The following PFAS variants were observed in gnomAD, a reference collection of about 807,000 sequenced individuals.
PFAS encodes phosphoribosylformylglycinamidine synthase.
In PFAS, 97 loss-of-function variants were observed where a neutral mutation model predicts 140.6. The observed-to-expected ratio is 0.69, with a 90% CI of 0.59 to 0.82. The LOEUF is 0.82. Among genes scored for constraint, PFAS ranks in the 40% least tolerant of loss-of-function variants. PFAS has a pLI of 0.00. For missense variants in PFAS, 1,656 were observed against 1,780.2 expected, an observed-to-expected ratio of 0.93 and a Z score of 1.26; for synonymous variants, 679 against 718.8, an observed-to-expected ratio of 0.94 and a Z score of 0.88.
chr17:8,265,823 G>A (rs565913996), intron 20 of PFAS, 39 bp from the exon 21 acceptor site: 1 of 1,550,370 alleles, frequency 6.5e-7, no homozygotes, highest in Non-Finnish European at 8.8e-7. Context: ...GGGTCCTCCT[G>A]AGCTGTTCCC....
chr17:8,250,045 G>A lies in PFAS; in HGVS notation c.-80+706G>A, dbSNP rs1055136354. On this transcript the variant is annotated intron_variant, in intron 1 of 27. Transcript: ENST00000314666. Reference sequence around the variant, plus strand: ...CTAGTGAAGCCTTTTCCACGAAGGCGAATCACCAGAAATCTAAATAACAAG... The same window carrying A: ...CTAGTGAAGCCTTTTCCACGAAGGCAAATCACCAGAAATCTAAATAACAAG... Among the ~76,000 whole-genome samples the A allele has an allele frequency of 3.3e-5, 5 of 152,172 alleles. No homozygotes were observed. In the East Asian group the frequency reaches 9.6e-4, roughly 29 times the overall value.
intron 11 of PFAS, among the ~76,000 whole-genome samples, chr17:8,261,854 G>T (rs537088923): frequency 6.6e-6 from 1 of 151,508 alleles, no homozygotes; most frequent in African/African-American, 2.4e-5. Flanking sequence ...CAAGCGATCC[G>T]CCCGCCTCAG....
chr17:8,252,072 T>C (rs970924293), intron 1 of PFAS, among the ~76,000 whole-genome samples: 3 of 151,888 alleles, frequency 2.0e-5, no homozygotes, highest in Non-Finnish European at 4.4e-5. Flanking sequence ...GGCGGGCAGA[T>C]CACTTGAGGT....
intron 15 of PFAS, 45 bp from the exon 16 acceptor site, chr17:8,264,167 G>T (rs1383907289): frequency 6.2e-7 from 1 of 1,609,656 alleles, no homozygotes; most frequent in Admixed American, 1.7e-5. Flanking sequence ...CCTTGCTGGT[G>T]TTCATAGTCT....
At chr17:8,261,114 C>G (rs1032052065) in intron 11 of PFAS, among the ~76,000 whole-genome samples, 1 of 152,190 alleles carries the variant, frequency 6.6e-6, no homozygotes, top group Non-Finnish European at 1.5e-5. Flanking sequence ...ACATGCTTGA[C>G]AACACTTGTT....
intron 11 of PFAS, among the ~76,000 whole-genome samples, 191 bp downstream of exon 11, chr17:8,258,390 T>A (rs1024546288): frequency 6.6e-6 from 1 of 152,198 alleles, no homozygotes; most frequent in Admixed American, 6.5e-5. Context: ...TGTGCCCACT[T>A]CATAGACTGT....
chr17:8,248,083 G>A (rs1988934739), upstream of PFAS: 3 of 1,371,438 alleles, frequency 2.2e-6, no homozygotes, highest in South Asian at 1.2e-5. Context: ...CTCGCTTGGG[G>A]GTGGGGATGG....
At chr17:8,264,173 A>G (rs776097029) in intron 15 of PFAS, 39 bp from the exon 16 acceptor site, 1 of 1,610,700 alleles carries the variant, frequency 6.2e-7, no homozygotes, top group Non-Finnish European at 8.5e-7. Context: ...TGGTGTTCAT[A>G]GTCTCATCCC....
chr17:8,266,120 C>T lies in PFAS; in HGVS notation c.2701+103C>T. On this transcript the variant is annotated intron_variant, in intron 21 of 27. Coordinates refer to ENST00000314666, the MANE Select transcript of PFAS (RefSeq NM_012393.3). This position sits in a 1 kb window ranked among gnomAD's most constrained non-coding sequence, Gnocchi z 5.0. ...AAAAGGGACTCCAATGGACGATGTACCCCAGATCCCCTGACATTCTGACAC... is the reference window on the plus strand; with the variant it reads ...AAAAGGGACTCCAATGGACGATGTATCCCAGATCCCCTGACATTCTGACAC... 1 of 1,539,342 alleles carries T rather than the reference C, an allele frequency of 6.5e-7. No homozygotes were observed. The highest frequency in any genetic ancestry group is 8.8e-7 in the Non-Finnish European group (1 of 1,130,576).
chr17:8,251,312 T>C (rs940576920), intron 1 of PFAS, among the ~76,000 whole-genome samples: 1 of 152,064 alleles, frequency 6.6e-6, no homozygotes, highest in Non-Finnish European at 1.5e-5. Flanking sequence ...GACGGGGTCT[T>C]GCTCTGTCAC....
At chr17:8,254,589 G>A (rs1287305255) in intron 3 of PFAS, among the ~76,000 whole-genome samples, 1 of 152,164 alleles carries the variant, frequency 6.6e-6, no homozygotes, top group African/African-American at 2.4e-5. Flanking sequence ...CAGATCACGA[G>A]ATCAGGAGAT....
In PFAS at chr17:8,266,453, T is replaced by A; in HGVS notation, c.2821+100T>A. 1 of 1,548,106 alleles carries A rather than the reference T, an allele frequency of 6.5e-7. No individual in the cohort carries two copies. The highest frequency in any genetic ancestry group is 8.7e-7 in the Non-Finnish European group (1 of 1,146,718). On this transcript the variant is annotated intron_variant, in intron 22 of 27. Coordinates refer to ENST00000314666, the MANE Select transcript of PFAS (RefSeq NM_012393.3). This position sits in a 1 kb window ranked among gnomAD's most constrained non-coding sequence, Gnocchi z 5.0. The stretch of plus-strand genomic sequence containing the variant: ...AGAGTGGAGTGCCCTCCAGTCCCCT[T>A]TCCCTGAGTCTTCCCTGACTAGCTT...
In PFAS at chr17:8,256,252, C is replaced by T. The variant is rs372662450; in HGVS notation, c.681-15C>T. 2 of 1,612,454 alleles carry T rather than the reference C, an allele frequency of 1.2e-6. No homozygotes were observed. Among genetic ancestry groups the T allele is most frequent in the East Asian group, 2.2e-5 (1 of 44,878 alleles). ...GTTTCCACCTGCCTTCCCCTCCCTG[C>T]ATCGCCCCCTGCAGCGAGCACAGCC... On this transcript the variant is annotated splice_polypyrimidine_tract_variant and intron_variant, in intron 6 of 27. Transcript: ENST00000314666.
intron 8 of PFAS, 61 bp downstream of exon 8, chr17:8,256,709 A>G: frequency 1.3e-6 from 2 of 1,578,340 alleles, no homozygotes; most frequent in South Asian, 2.3e-5. Flanking sequence ...CAAAGGTCCC[A>G]GGCCCCTGGA....
rs1165842798 is a variant in PFAS, at chr17:8,264,956, C to G, written c.2111C>G (p.Pro704Arg). 1.2e-6 allele frequency: 2 copies of G among 1,611,582 alleles called. No individual in the cohort carries two copies. The highest frequency in any genetic ancestry group is 2.7e-5 in the African/African-American group (2 of 74,902). The change falls in exon 18 of 28, where the codon CCT becomes CGT. Residue 704 changes from proline to arginine, a missense_variant. Physicochemically the swap from Pro to Arg is moderately radical, Grantham distance 103. Around this residue, in one of 2 missense-constraint regions of PFAS, gnomAD observed 883 missense variants for 1,023.0 expected, o/e 0.86. Coordinates refer to ENST00000314666, the MANE Select transcript of PFAS (RefSeq NM_012393.3). The part of the protein sequence containing the change: ...QQQCVGPLQT[P>R]LADVAVVALS... ...CAGTGCGTGGGGCCCCTGCAAACTC[C>G]TCTGGCAGATGTAGCGGTTGTGGCA...
Position 8,270,464 on chromosome 17 carries a change from A to T in PFAS, c.*1200A>T, listed in dbSNP as rs1989973440. On this transcript the variant is annotated 3_prime_UTR_variant, in exon 28 of 28. Coordinates refer to ENST00000314666, the MANE Select transcript of PFAS (RefSeq NM_012393.3). Reference sequence around the variant, plus strand: ...CTTGATAGCCCCTCCCCGCCTTTTCAATAAAGGATGAATGAAGGTTGACTG... The same window carrying T: ...CTTGATAGCCCCTCCCCGCCTTTTCTATAAAGGATGAATGAAGGTTGACTG... 1 of 152,228 alleles carries T rather than the reference A, an allele frequency of 6.6e-6. No homozygotes were observed. The highest frequency in any genetic ancestry group is 1.5e-5 in the Non-Finnish European group (1 of 68,034). The allele number at this position is 152,228 out of a possible 1,614,324, so 9.4% of individuals were successfully genotyped here.
intron 4 of PFAS, 31 bp from the exon 5 acceptor site, chr17:8,255,471 C>T (rs1454003457): frequency 1.4e-6 from 2 of 1,477,688 alleles, no homozygotes; most frequent in Non-Finnish European, 1.8e-6. Context: ...AAACTCTTCA[C>T]CCCTTGCCCT....
Position 8,266,917 on chromosome 17 carries a change from G to C in PFAS, c.2967+19G>C, listed in dbSNP as rs1454358400. ...CGCCATGGTGAGGAAGTGAGGGAGA[G>C]AGCGGTGTGCAGTGGGCAGTCAGAG... On this transcript the variant is annotated intron_variant, in intron 23 of 27. Coordinates refer to ENST00000314666, the MANE Select transcript of PFAS (RefSeq NM_012393.3). This position sits in a 1 kb window ranked among gnomAD's most constrained non-coding sequence, Gnocchi z 5.0. The C allele has an allele frequency of 6.3e-7, 1 of 1,599,962 alleles. No homozygotes were observed. Among genetic ancestry groups the C allele is most frequent in the Non-Finnish European group, 8.5e-7 (1 of 1,176,176 alleles).
At chr17:8,249,521 C>T (rs1013036246) in intron 1 of PFAS, 182 bp downstream of exon 1, 2 of 152,232 alleles carry the variant, frequency 1.3e-5, no homozygotes, top group African/African-American at 4.8e-5. Flanking sequence ...TTCCGCAGAC[C>T]CCAGGCATGG....
Sources: allele counts gnomAD v4.1 joint callset (sites outside exome capture counted in the v4.1 genomes callset), GRCh38; gene constraint gnomAD v4.1.1; regional missense constraint gnomAD v4.1.1; non-coding constraint Gnocchi (gnomAD v3.1); transcripts MANE v1.5; gene names NCBI Gene and HGNC (gene_info 2026-07-23, HGNC 2026-07-21).